PRKN: variants seen among roughly 807,000 people sequenced by gnomAD.
PRKN encodes the protein E3 ubiquitin-protein ligase parkin.
Under a neutral mutation model 59.5 loss-of-function variants are expected in PRKN, and 56 were observed. That is an observed-to-expected ratio of 0.94 (90% CI 0.76 to 1.18). PRKN has a LOEUF of 1.18. Ranked by LOEUF, PRKN falls within the 50% of genes most tolerant of loss-of-function variation. The pLI is 0.00. For synonymous variants in PRKN, 250 were observed against 222.1 expected (o/e 1.13, Z -1.12); for missense variants, 657 against 596.4 (o/e 1.10, Z -1.06).
Position 161,357,681 on chromosome 6 carries a change from T to C in PRKN, c.1285+2407A>G, listed in dbSNP as rs1247026965. Among the ~76,000 whole-genome samples the C allele has an allele frequency of 3.3e-5, 5 of 152,250 alleles. No individual in the cohort carries two copies. Among genetic ancestry groups the C allele is most frequent in the African/African-American group, 1.2e-4 (5 of 41,466 alleles). On this transcript the variant is annotated intron_variant, in intron 11 of 11. Transcript: ENST00000366898. The surrounding 1 kb of genome is among the most constrained non-coding windows in gnomAD (Gnocchi z 5.5). ...ATGGTAACATCTTGTTTCCAGTCTT[T>C]TTCTTCTGATTCTATTTTTTCCCAC... is the stretch of plus-strand genomic sequence containing the variant.
At chr6:161,790,510 G>A (rs765718368) in intron 6 of PRKN, among the ~76,000 whole-genome samples, 2 of 152,218 alleles carry the variant, frequency 1.3e-5, no homozygotes, top group East Asian at 1.9e-4. Flanking sequence ...GTTAGAACAC[G>A]GGGTCTTTAG....
At chr6:162,345,225 G>T (rs757972102) in intron 2 of PRKN, among the ~76,000 whole-genome samples, 2 of 152,100 alleles carry the variant, frequency 1.3e-5, no homozygotes, top group South Asian at 2.1e-4. Flanking sequence ...GATAAATCAC[G>T]GCACTTTCTG....
chr6:161,681,421 A>G (rs1257470029), intron 7 of PRKN, among the ~76,000 whole-genome samples: 2 of 151,384 alleles, frequency 1.3e-5, no homozygotes, highest in East Asian at 1.9e-4. Context: ...CCTTTTTCCA[A>G]TTGCAACTCT....
intron 4 of PRKN, among the ~76,000 whole-genome samples, chr6:162,125,085 C>T (rs1479520295): frequency 6.6e-6 from 1 of 152,174 alleles, no homozygotes; most frequent in African/African-American, 2.4e-5. Flanking sequence ...TTCCAACCTG[C>T]CAGCTGTCCT....
intron 1 of PRKN, among the ~76,000 whole-genome samples, chr6:162,654,763 G>A (rs1480090855): frequency 6.6e-6 from 1 of 152,092 alleles, no homozygotes; most frequent in African/African-American, 2.4e-5. Context: ...GAGGCCTCAG[G>A]AAACTTACAA....
At chr6:161,853,794 C>T (rs1793531203) in intron 6 of PRKN, among the ~76,000 whole-genome samples, 1 of 152,150 alleles carries the variant, frequency 6.6e-6, no homozygotes, top group African/African-American at 2.4e-5. Flanking sequence ...CTGTGGTCAA[C>T]CCACAAAAGA....
intron 2 of PRKN, among the ~76,000 whole-genome samples, chr6:162,384,256 T>A (rs1786662478): frequency 6.6e-6 from 1 of 152,140 alleles, no homozygotes; most frequent in African/African-American, 2.4e-5. Flanking sequence ...ATTCCTAGCT[T>A]TTGATTTAAA....
At chr6:161,911,769 G>A (rs750666584) in intron 6 of PRKN, among the ~76,000 whole-genome samples, 1 of 152,042 alleles carries the variant, frequency 6.6e-6, no homozygotes, top group Non-Finnish European at 1.5e-5. Context: ...ACTGGAACAG[G>A]TTAATAAAAA....
At chr6:162,480,894 C>T (rs1017385894) in intron 1 of PRKN, among the ~76,000 whole-genome samples, 2 of 152,080 alleles carry the variant, frequency 1.3e-5, no homozygotes, top group Non-Finnish European at 2.9e-5. Flanking sequence ...CACCCTCCGC[C>T]TCCTGGGTTC....
Position 161,548,909 on chromosome 6 carries a change from G to A in PRKN, c.1028C>T (p.Pro343Leu), listed in dbSNP as rs529808032. ...GGTGACTTTCCTCTGGTCAGGCTCC[G>A]GCAGCAGCCCCGCTCCACAGCCAGG... ...PRPGCGAGLLPEPDQRKVTCE... is the reference protein window; with the variant it reads ...PRPGCGAGLLLEPDQRKVTCE... The change falls in exon 9 of 12, where the codon CCG (proline) becomes CTG (leucine). Residue 343 changes from proline to leucine, a missense_variant. Transcript: ENST00000366898. The surrounding 1 kb of genome is among the most constrained non-coding windows in gnomAD (Gnocchi z 4.2). The A allele has an allele frequency of 6.6e-5, 106 of 1,613,998 alleles. No homozygotes were observed. The highest frequency in any genetic ancestry group is 3.3e-4 in the Middle Eastern group (2 of 6,084).
At chr6:162,124,466 T>A (rs1444116562) in intron 4 of PRKN, among the ~76,000 whole-genome samples, 1 of 152,086 alleles carries the variant, frequency 6.6e-6, no homozygotes, top group Non-Finnish European at 1.5e-5. Flanking sequence ...AAGCCAGGGA[T>A]GAATAACAGC....
chr6:162,663,381 G>C (rs926755331), intron 1 of PRKN, among the ~76,000 whole-genome samples: 1 of 150,300 alleles, frequency 6.7e-6, no homozygotes, highest in Non-Finnish European at 1.5e-5. Flanking sequence ...GGGAGATTTT[G>C]TGCTACCCAG....
chr6:161,725,684 C>T (rs1787412775), intron 7 of PRKN, among the ~76,000 whole-genome samples: 1 of 152,170 alleles, frequency 6.6e-6, no homozygotes, highest in Admixed American at 6.5e-5. Context: ...ACCTGGAGCC[C>T]TGAGCCCCAA....
At chr6:162,316,536 T>A (rs1782760550) in intron 2 of PRKN, among the ~76,000 whole-genome samples, 1 of 152,204 alleles carries the variant, frequency 6.6e-6, no homozygotes, top group Admixed American at 6.5e-5. Context: ...CTGTTCTTTC[T>A]TTCATGCACA....
intron 2 of PRKN, among the ~76,000 whole-genome samples, chr6:162,345,396 T>C (rs73028966): frequency 0.16 from 24,523 of 152,108 alleles, 2,524 homozygotes; most frequent in East Asian, 0.46. Flanking sequence ...TGCATCCTTT[T>C]CAAGTAAAGA....
At chr6:161,665,709 T>A (rs1784701428) in intron 7 of PRKN, among the ~76,000 whole-genome samples, 1 of 152,178 alleles carries the variant, frequency 6.6e-6, no homozygotes, top group Non-Finnish European at 1.5e-5. Context: ...CAATTCTGAC[T>A]TCCAGTAGTG....
At chr6:161,756,225 T>C (rs955706251) in intron 7 of PRKN, among the ~76,000 whole-genome samples, 2 of 152,018 alleles carry the variant, frequency 1.3e-5, no homozygotes, top group Admixed American at 6.5e-5. Context: ...GCAGATTACT[T>C]GATGTCAGGA....
chr6:162,647,409 C>T (rs719650), intron 1 of PRKN, among the ~76,000 whole-genome samples: 93,116 of 151,892 alleles, frequency 0.61, 29,264 homozygotes, highest in African/African-American at 0.75. Flanking sequence ...AATCTTAACA[C>T]TCATTTTATT....
intron 4 of PRKN, among the ~76,000 whole-genome samples, chr6:162,139,595 G>C (rs1583089537): frequency 6.6e-6 from 1 of 152,164 alleles, no homozygotes; most frequent in South Asian, 2.1e-4. Context: ...CCATGTATGG[G>C]CCATGGTGGT....
Sources: gnomAD v4.1 joint callset for allele counts (sites outside exome capture counted in the v4.1 genomes callset) on GRCh38, gnomAD v4.1.1 for gene constraint, Gnocchi (gnomAD v3.1) non-coding constraint, MANE v1.5 for transcripts, NCBI Gene and HGNC (gene_info 2026-07-23, HGNC 2026-07-21) for gene names.